Variants in PCGF5 observed in about 807,000 individuals in gnomAD.
PCGF5 encodes polycomb group RING finger protein 5.
A neutral mutation model predicts 44.3 loss-of-function variants in PCGF5; 9 were observed. The observed-to-expected ratio is 0.20, with a 90% confidence interval of 0.12 to 0.35. The LOEUF is 0.35. Among genes scored for constraint, PCGF5 ranks in the 10% least tolerant of loss-of-function variants. The pLI is 1.00. For missense variants in PCGF5, 146 were observed against 305.3 expected (o/e 0.48, Z 3.89); for synonymous variants, 95 against 102.5 (o/e 0.93, Z 0.44).
chr10:91,263,089 G>A (rs983841632), intron 7 of PCGF5, among the ~76,000 whole-genome samples: 1 of 152,172 alleles, frequency 6.6e-6, no homozygotes, highest in South Asian at 2.1e-4. Flanking sequence ...GACTTTTCCT[G>A]TGACTTTTGG....
intron 1 of PCGF5, among the ~76,000 whole-genome samples, chr10:91,221,772 A>G (rs1012357863): frequency 5.3e-5 from 8 of 152,172 alleles, no homozygotes; most frequent in African/African-American, 1.4e-4. Flanking sequence ...TCCAGGTTAT[A>G]TATCTACTAA....
chr10:91,213,652 T>C (rs1844492933), intron 1 of PCGF5, among the ~76,000 whole-genome samples: 1 of 150,956 alleles, frequency 6.6e-6, no homozygotes, highest in Non-Finnish European at 1.5e-5. Flanking sequence ...TTTTTTTTTC[T>C]TTTTTGTATT....
At chr10:91,188,301 G>C in intron 1 of PCGF5, among the ~76,000 whole-genome samples, 1 of 152,080 alleles carries the variant, frequency 6.6e-6, no homozygotes, top group East Asian at 1.9e-4. Flanking sequence ...TCCCTTTCCT[G>C]GTCAAGGAAA....
chr10:91,250,929 A>G (rs192154399), intron 5 of PCGF5, among the ~76,000 whole-genome samples: 200 of 151,880 alleles, frequency 1.3e-3, no homozygotes, highest in African/African-American at 4.6e-3. Flanking sequence ...TAATTTATAT[A>G]TACACCTATA....
chr10:91,183,963 A>C (rs371107264), intron 1 of PCGF5, among the ~76,000 whole-genome samples: 3 of 152,068 alleles, frequency 2.0e-5, no homozygotes, highest in African/African-American at 4.8e-5. Context: ...TTTGAAAGTG[A>C]CCTGGCCTTT....
chr10:91,223,106 A>C, intron 2 of PCGF5, 123 bp downstream of exon 2: 1 of 670,284 alleles, frequency 1.5e-6, no homozygotes, highest in East Asian at 2.9e-5. Context: ...TCTAATAATT[A>C]TTTTAACTTT....
At chr10:91,213,664 T>C (rs1032760777) in intron 1 of PCGF5, among the ~76,000 whole-genome samples, 7 of 151,698 alleles carry the variant, frequency 4.6e-5, no homozygotes, top group Non-Finnish European at 7.4e-5. Context: ...TTTTGTATTT[T>C]TAGTAGAGAT....
rs183281619 is a variant in PCGF5, at chr10:91,174,435, A to C, written c.-184+11354A>C. On this transcript the variant is annotated intron_variant, in intron 1 of 9. Coordinates refer to the PCGF5 transcript ENST00000614189. ...GGCACGAGAATCACTTGAACCCAGG[A>C]GGTGGAGATTGTAGTGAGCTGAAAT... Among the ~76,000 whole-genome samples, 777 of 152,252 alleles carry C rather than the reference A, an allele frequency of 5.1e-3. 8 individuals are homozygous for C. Among genetic ancestry groups the C allele is most frequent in the African/African-American group, 0.018 (739 of 41,572 alleles).
intron 9 of PCGF5, among the ~76,000 whole-genome samples, chr10:91,272,066 A>G (rs577357372): frequency 6.6e-6 from 1 of 152,356 alleles, no homozygotes; most frequent in East Asian, 1.9e-4. Context: ...ATAAAATGCC[A>G]AATTAGGTGA....
At chr10:91,249,024 G>A (rs1445013851) in intron 5 of PCGF5, among the ~76,000 whole-genome samples, 1 of 152,038 alleles carries the variant, frequency 6.6e-6, no homozygotes, top group African/African-American at 2.4e-5. Flanking sequence ...GGAGCTAAAG[G>A]AAGCTGAAGT....
chr10:91,173,080 A>G (rs979659264), intron 1 of PCGF5, among the ~76,000 whole-genome samples: 5 of 152,252 alleles, frequency 3.3e-5, no homozygotes, highest in Non-Finnish European at 5.9e-5. Flanking sequence ...CATCTGGTCT[A>G]TCTCCTAGGT....
chr10:91,211,065 T>A (rs1317355912), intron 1 of PCGF5, among the ~76,000 whole-genome samples: 1 of 152,194 alleles, frequency 6.6e-6, no homozygotes, highest in Non-Finnish European at 1.5e-5. Context: ...CAAAAAGGAA[T>A]GGTAATGGAG....
chr10:91,193,127 A>G (rs966649586), intron 1 of PCGF5, among the ~76,000 whole-genome samples: 4 of 152,174 alleles, frequency 2.6e-5, no homozygotes, highest in African/African-American at 9.7e-5. Flanking sequence ...CGCAAGAAGG[A>G]AGGCATGTAG....
At chr10:91,200,720 A>G (rs1376108449) in intron 1 of PCGF5, among the ~76,000 whole-genome samples, 1 of 152,144 alleles carries the variant, frequency 6.6e-6, no homozygotes, top group African/African-American at 2.4e-5. Flanking sequence ...TGGGCAATCT[A>G]GTTTATCCTA....
chr10:91,276,797 T>A (rs549272852), intron 9 of PCGF5, among the ~76,000 whole-genome samples: 2 of 152,266 alleles, frequency 1.3e-5, no homozygotes, highest in South Asian at 4.1e-4. Flanking sequence ...GAATCAGGAA[T>A]CAAACGCAAA....
chr10:91,260,817 G>A (rs1223360627), intron 6 of PCGF5, among the ~76,000 whole-genome samples: 2 of 136,086 alleles, frequency 1.5e-5, no homozygotes, highest in Non-Finnish European at 3.1e-5. Context: ...TTGTGGGGTG[G>A]GGGAGGGGGG....
At chr10:91,202,120 A>G (rs982115013) in intron 1 of PCGF5, among the ~76,000 whole-genome samples, 4 of 152,218 alleles carry the variant, frequency 2.6e-5, no homozygotes, top group African/African-American at 9.6e-5. Flanking sequence ...ACCCCCTAGG[A>G]TTATTGTGAG....
upstream of PCGF5, among the ~76,000 whole-genome samples, chr10:91,162,688 C>A (rs1843406705): frequency 6.6e-6 from 1 of 151,294 alleles, no homozygotes; most frequent in Non-Finnish European, 1.5e-5. Flanking sequence ...GGGCCGTGCC[C>A]GGCAGGACGC....
chr10:91,178,552 G>C (rs1378095255), intron 1 of PCGF5, among the ~76,000 whole-genome samples: 2 of 151,792 alleles, frequency 1.3e-5, no homozygotes, highest in Admixed American at 6.6e-5. Flanking sequence ...ACCACACCCG[G>C]CTAATTTTTA....
Sources: allele counts gnomAD v4.1 joint callset (sites outside exome capture counted in the v4.1 genomes callset), GRCh38; gene constraint gnomAD v4.1.1; transcripts MANE v1.5; gene names NCBI Gene and HGNC (gene_info 2026-07-23, HGNC 2026-07-21).